NRXN3: variants seen among roughly 807,000 people sequenced by gnomAD.
NRXN3 encodes the protein neurexin 3, also known as neurexin III.
Under a neutral mutation model 137.6 loss-of-function variants are expected in NRXN3, and 32 were observed. That is an observed-to-expected ratio of 0.23 (90% confidence interval 0.18 to 0.31). NRXN3 has a LOEUF of 0.31. NRXN3 is among the 10% of genes least tolerant of loss of function. The pLI, the probability that NRXN3 is intolerant of heterozygous loss-of-function variation, is 1.00. For missense variants in NRXN3, 1,574 were observed against 2,062.5 expected, an observed-to-expected ratio of 0.76 and a Z score of 4.59; for synonymous variants, 798 against 784.5, an observed-to-expected ratio of 1.02 and a Z score of -0.29.
chr14:78,626,275 G>A (rs1433436794), intron 4 of NRXN3, among the ~76,000 whole-genome samples: 1 of 152,130 alleles, frequency 6.6e-6, no homozygotes, highest in Non-Finnish European at 1.5e-5. Context: ...AAGGGTGGGA[G>A]GATTGCACTG....
chr14:79,520,066 A>G (rs920521185), intron 16 of NRXN3, among the ~76,000 whole-genome samples: 2 of 151,744 alleles, frequency 1.3e-5, no homozygotes, highest in Admixed American at 6.6e-5. Flanking sequence ...TGTTATTTTT[A>G]TTTCATTTGG....
chr14:79,043,815 G>A (rs373952611), intron 15 of NRXN3, among the ~76,000 whole-genome samples: 3 of 152,124 alleles, frequency 2.0e-5, no homozygotes, highest in Non-Finnish European at 2.9e-5. Flanking sequence ...GAGAGACATC[G>A]CTGAGAGAAA....
chr14:79,557,497 A>G (rs1385120932), intron 16 of NRXN3, among the ~76,000 whole-genome samples: 2 of 152,116 alleles, frequency 1.3e-5, no homozygotes, highest in African/African-American at 2.4e-5. Context: ...TACCACCACA[A>G]TAACGTGATT....
chr14:79,247,395 A>G (rs1277725348), intron 15 of NRXN3: 1 of 152,178 alleles, frequency 6.6e-6, no homozygotes, highest in East Asian at 1.9e-4. Context: ...ATGCATTGCC[A>G]TACTAACAGG....
intron 4 of NRXN3, among the ~76,000 whole-genome samples, chr14:78,390,946 C>T (rs550096881): frequency 7.9e-5 from 12 of 152,240 alleles, no homozygotes; most frequent in African/African-American, 2.2e-4. Flanking sequence ...CTCCATCCCC[C>T]GACAGGCCCC....
intron 20 of NRXN3, among the ~76,000 whole-genome samples, chr14:79,855,176 A>G (rs1026037972): frequency 2.0e-5 from 3 of 152,238 alleles, no homozygotes. Context: ...GGGTACCATC[A>G]TCGTGTAACT....
At chr14:79,512,265 A>G (rs556559631) in intron 16 of NRXN3, among the ~76,000 whole-genome samples, 1 of 152,268 alleles carries the variant, frequency 6.6e-6, no homozygotes, top group South Asian at 2.1e-4. Context: ...AAGAGTGTGG[A>G]GTCTAGAATT....
chr14:78,539,251 T>G (rs537671153), intron 4 of NRXN3, among the ~76,000 whole-genome samples: 3 of 152,188 alleles, frequency 2.0e-5, no homozygotes, highest in Non-Finnish European at 4.4e-5. Context: ...TCCTGGACTT[T>G]TTTTGGTTGG....
At chr14:78,791,999 G>GGT (rs2098806460) in intron 8 of NRXN3, among the ~76,000 whole-genome samples, 1 of 151,420 alleles carries the variant, frequency 6.6e-6, no homozygotes, top group Admixed American at 6.6e-5. Context: ...GTGTAAGCAA[G>GGT]GTAAAAGGGA....
At chr14:78,791,804 A>AGCC (rs1286916580) in intron 8 of NRXN3, among the ~76,000 whole-genome samples, 3 of 152,164 alleles carry the variant, frequency 2.0e-5, no homozygotes. Flanking sequence ...GCTTACCCAT[A>AGCC]GCCTTGACAC....
intron 15 of NRXN3, among the ~76,000 whole-genome samples, chr14:79,283,093 C>A (rs555773567): frequency 1.3e-5 from 2 of 152,256 alleles, no homozygotes; most frequent in South Asian, 2.1e-4. Context: ...AAAGACCTAG[C>A]TAACAGCAAT....
chr14:79,393,114 G>A lies in NRXN3; in HGVS notation c.3263-74107G>A, dbSNP rs78134021. On this transcript the variant is annotated intron_variant, in intron 15 of 20. Transcript: ENST00000335750. ...AGCAGGTAATCTTTTTACGGTCTGAGTAATGAGGAACCTGGCTAATAGTTG... is the reference window on the plus strand; with the variant it reads ...AGCAGGTAATCTTTTTACGGTCTGAATAATGAGGAACCTGGCTAATAGTTG... Among the ~76,000 whole-genome samples, 444 of 152,190 alleles carry A rather than the reference G, an allele frequency of 2.9e-3. 9 individuals are homozygous for A. The East Asian group carries it at 0.041, about 14-fold the overall frequency.
intron 16 of NRXN3, among the ~76,000 whole-genome samples, chr14:79,626,192 T>C (rs2098279742): frequency 6.6e-6 from 1 of 152,266 alleles, no homozygotes; most frequent in South Asian, 2.1e-4. Flanking sequence ...CTCAAGTCTA[T>C]CCTTTGTCAA....
intron 4 of NRXN3, among the ~76,000 whole-genome samples, chr14:78,372,125 A>G (rs1451310438): frequency 6.6e-6 from 1 of 151,642 alleles, no homozygotes; most frequent in Non-Finnish European, 1.5e-5. Flanking sequence ...TTTTTAAAAC[A>G]AGGATATCCA....
chr14:79,460,084 G>T (rs1055281202), intron 15 of NRXN3, among the ~76,000 whole-genome samples: 1 of 152,088 alleles, frequency 6.6e-6, no homozygotes, highest in Non-Finnish European at 1.5e-5. Context: ...GGGTCATGAT[G>T]TGTTTGTCAA....
intron 4 of NRXN3, among the ~76,000 whole-genome samples, chr14:78,452,051 C>A (rs2094564997): frequency 6.6e-6 from 1 of 152,158 alleles, no homozygotes; most frequent in African/African-American, 2.4e-5. Context: ...TTTTTGGAAT[C>A]CTACACTGTA....
intron 8 of NRXN3, among the ~76,000 whole-genome samples, chr14:78,790,586 G>A (rs1003760728): frequency 7.2e-5 from 11 of 152,322 alleles, no homozygotes; most frequent in Admixed American, 2.6e-4. Context: ...CCCAGTTTGG[G>A]TGGAGGGAAA....
chr14:79,740,295 G>C (rs1332936825), intron 19 of NRXN3, among the ~76,000 whole-genome samples: 1 of 152,022 alleles, frequency 6.6e-6, no homozygotes, highest in African/African-American at 2.4e-5. Context: ...TGCTTTAGCT[G>C]CTCCATGGTC....
At chr14:78,764,837 C>T (rs564512939) in intron 8 of NRXN3, among the ~76,000 whole-genome samples, 10 of 152,244 alleles carry the variant, frequency 6.6e-5, no homozygotes, top group East Asian at 1.9e-4. Flanking sequence ...AGCGAGCCAC[C>T]GTCCAAGGCT....
Sources: gnomAD v4.1 joint callset for allele counts (sites outside exome capture counted in the v4.1 genomes callset) on GRCh38, gnomAD v4.1.1 for gene constraint, MANE v1.5 for transcripts, NCBI Gene and HGNC (gene_info 2026-07-23, HGNC 2026-07-21) for gene names.